The following RABL2A variants were observed in gnomAD, a reference collection of about 807,000 sequenced individuals.
The protein encoded by RABL2A is RAB, member of RAS oncogene family like 2A.
In RABL2A, 17 loss-of-function variants were observed where a neutral mutation model predicts 30.7. The observed-to-expected ratio is 0.55, with a 90% CI of 0.38 to 0.83. RABL2A has a LOEUF of 0.83. RABL2A is among the 40% of genes least tolerant of loss of function. The pLI, the probability that RABL2A is intolerant of heterozygous loss-of-function variation, is 0.00. For synonymous variants in RABL2A, 64 were observed against 101.8 expected (o/e 0.63, Z 2.24); for missense variants, 155 against 272.6 (o/e 0.57, Z 3.04).
At position 113,635,388 on chromosome 2, in the gene RABL2A, C is replaced by A. The variant is rs141534235; in HGVS notation, c.297+258C>A. 8.8e-3 allele frequency: 4,725 copies of A among 534,714 alleles called. 202 individuals carry two copies. Among genetic ancestry groups the A allele is most frequent in the African/African-American group, 0.077 (4,013 of 52,158 alleles). The allele number at this position is 534,714 out of a possible 1,614,324, so 33.1% of individuals were successfully genotyped here. On this transcript the variant is annotated intron_variant, in intron 5 of 8. Coordinates refer to ENST00000683472, the MANE Select transcript of RABL2A (RefSeq NM_001306158.2). ...AGGGCTTCAACATCAGGTGTAGCAT[C>A]CAAGAGGCAAACATGCCTGAAACAG...
Position 113,635,226 on chromosome 2 carries a change from G to A in RABL2A, c.297+96G>A, listed in dbSNP as rs941602124. 3.5e-5 allele frequency: 45 copies of A among 1,301,778 alleles called. 1 individual carries two copies. The highest frequency in any genetic ancestry group is 2.6e-4 in the South Asian group (21 of 80,986). The allele number at this position is 1,301,778 out of a possible 1,614,324, so 80.6% of individuals were successfully genotyped here. On this transcript the variant is annotated intron_variant, in intron 5 of 8. Transcript: ENST00000683472. Reference sequence around the variant, plus strand: ...CCTGGGCCCTTGTAACCAAGTCTGGGTGTTGTGGGAGGGGGGCTTAGGGTC... The same window carrying A: ...CCTGGGCCCTTGTAACCAAGTCTGGATGTTGTGGGAGGGGGGCTTAGGGTC...
chr2:113,631,793 C>T (rs1357930575), intron 2 of RABL2A, among the ~76,000 whole-genome samples: 2 of 151,734 alleles, frequency 1.3e-5, no homozygotes, highest in Admixed American at 1.3e-4. Context: ...ATGGATCTCT[C>T]CTCTTCCTCC....
intron 5 of RABL2A, chr2:113,639,892 A>T (rs1219989642): frequency 1.3e-5 from 2 of 149,902 alleles, no homozygotes; most frequent in African/African-American, 4.9e-5. Flanking sequence ...GATGGCTAAC[A>T]CCTGTAACCC....
chr2:113,639,577 A>T, intron 5 of RABL2A, among the ~76,000 whole-genome samples: 1 of 151,660 alleles, frequency 6.6e-6, no homozygotes, highest in Non-Finnish European at 1.5e-5. Context: ...GCAGTGAGCC[A>T]AGATAGCGCC....
chr2:113,639,300 A>G (rs1480722333), intron 5 of RABL2A, among the ~76,000 whole-genome samples: 9 of 152,064 alleles, frequency 5.9e-5, no homozygotes, highest in Admixed American at 5.2e-4. Context: ...AACAAAAAGC[A>G]GAAAGAACAA....
In RABL2A at chr2:113,640,917, C is replaced by G; in HGVS notation, c.321C>G (p.Val107=). The G allele has an allele frequency of 6.2e-7, 1 of 1,613,854 alleles. No homozygotes were observed. Among genetic ancestry groups the G allele is most frequent in the Non-Finnish European group, 8.5e-7 (1 of 1,179,868 alleles). ...AGGTGTTTGATATACAGAGGAAAGT[C>G]ACCTATAGGAACCTGAGCACCTGGT... ...CIMVFDIQRK[V]TYRNLSTWYT... Residue 107 remains valine, a synonymous_variant, in exon 6 of 9, where the codon GTC becomes GTG. Transcript: ENST00000683472.
chr2:113,631,910 C>T (rs181263254), intron 2 of RABL2A, among the ~76,000 whole-genome samples: 6 of 151,816 alleles, frequency 4.0e-5, no homozygotes, highest in South Asian at 2.1e-4. Context: ...TAATTTTCTA[C>T]GTGATCTAAG....
intron 2 of RABL2A, among the ~76,000 whole-genome samples, chr2:113,629,902 G>A (rs1679656167): frequency 6.6e-6 from 1 of 152,082 alleles, no homozygotes; most frequent in South Asian, 2.1e-4. Context: ...GTAAAAGTGA[G>A]GGTAGGTGTT....
chr2:113,631,120 C>G (rs1274439072), intron 2 of RABL2A, among the ~76,000 whole-genome samples: 4 of 152,008 alleles, frequency 2.6e-5, no homozygotes, highest in Non-Finnish European at 4.4e-5. Context: ...GTCTGGAATT[C>G]CTAACCTCAA....
intron 3 of RABL2A, chr2:113,633,787 G>A: frequency 3.5e-6 from 1 of 282,572 alleles, no homozygotes; most frequent in South Asian, 4.0e-5. Context: ...GCTACCTAGG[G>A]TTAGGGTTTC....
chr2:113,642,149 G>A lies in RABL2A; in HGVS notation c.*20G>A, dbSNP rs1395538271. Reference sequence around the variant, plus strand: ...AGCTGAGGGGCTGGGGCTAGGGGTGGGTGGAGCCCTTTTAAAATACCCTTC... The same window carrying A: ...AGCTGAGGGGCTGGGGCTAGGGGTGAGTGGAGCCCTTTTAAAATACCCTTC... On this transcript the variant is annotated 3_prime_UTR_variant, in exon 9 of 9. Coordinates refer to ENST00000683472, the MANE Select transcript of RABL2A (RefSeq NM_001306158.2). The A allele has an allele frequency of 6.2e-7, 1 of 1,612,198 alleles. No homozygotes were observed. Among genetic ancestry groups the A allele is most frequent in the East Asian group, 2.2e-5 (1 of 44,862 alleles).
At chr2:113,639,283 C>T (rs1179319754) in intron 5 of RABL2A, among the ~76,000 whole-genome samples, 2 of 150,834 alleles carry the variant, frequency 1.3e-5, no homozygotes, top group African/African-American at 4.9e-5. Flanking sequence ...AAGACCCTAT[C>T]TCAAAAAACA....
At chr2:113,629,289 G>T (rs1679331071) in intron 2 of RABL2A, among the ~76,000 whole-genome samples, 1 of 152,156 alleles carries the variant, frequency 6.6e-6, no homozygotes, top group Non-Finnish European at 1.5e-5. Flanking sequence ...GTCCATTTCC[G>T]CCTTCATAGC....
rs561144583 is a variant in RABL2A, at chr2:113,633,310, C to A, written c.137+366C>A. The A allele has an allele frequency of 5.5e-4, 187 of 340,918 alleles. 1 individual carries two copies. The highest frequency in any genetic ancestry group is 5.0e-3 in the East Asian group (76 of 15,060). 21.1% of individuals were successfully genotyped at this position (340,918 alleles called of 1,614,324 possible). A position where few individuals can be genotyped will look rare whatever the true frequency, so the allele number is the denominator to read the frequency against. ...TCTCTAACCTCAAAGCTTGGGCCCCCTACTATTGAAAAAAATCTCTGATAT... is the reference window on the plus strand; with the variant it reads ...TCTCTAACCTCAAAGCTTGGGCCCCATACTATTGAAAAAAATCTCTGATAT... On this transcript the variant is annotated intron_variant, in intron 3 of 8. Transcript: ENST00000683472.
intron 2 of RABL2A, among the ~76,000 whole-genome samples, chr2:113,632,556 G>T (rs545172355): frequency 6.6e-5 from 10 of 152,360 alleles, no homozygotes; most frequent in African/African-American, 2.4e-4. Flanking sequence ...GTGAGCCACC[G>T]CGCCCGACCG....
At chr2:113,641,564 G>A in intron 7 of RABL2A, 114 bp downstream of exon 7, 2 of 1,609,206 alleles carry the variant, frequency 1.2e-6, no homozygotes, top group African/African-American at 2.7e-5. Context: ...CAGTGCATGG[G>A]CCTGGGTGGC....
chr2:113,630,309 A>C (rs1410778991), intron 2 of RABL2A, among the ~76,000 whole-genome samples: 3 of 152,222 alleles, frequency 2.0e-5, no homozygotes, highest in Non-Finnish European at 2.9e-5. Flanking sequence ...ACTGTGGTTC[A>C]GTTTTGATTG....
chr2:113,633,713 A>T (rs1681341229), intron 3 of RABL2A: 1 of 219,064 alleles, frequency 4.6e-6, no homozygotes, highest in African/African-American at 2.2e-5. Context: ...ACAGACTCCA[A>T]ATTGATTGAC....
Position 113,634,324 on chromosome 2 carries a change from C to T in RABL2A, c.217+92C>T, listed in dbSNP as rs971162274. 1.2e-5 allele frequency: 18 copies of T among 1,529,276 alleles called. No homozygotes were observed. In the African/African-American group the frequency reaches 1.9e-4, roughly 16 times the overall value. 94.7% of individuals were successfully genotyped at this position (1,529,276 alleles called of 1,614,324 possible). On this transcript the variant is annotated intron_variant, in intron 4 of 8. Transcript: ENST00000683472. ...AGGCAAGGTTCATAAGGAGAGAGTC[C>T]AGAGGGAGAAAATGAGACCCCAGGC...
Sources: allele counts gnomAD v4.1 joint callset (sites outside exome capture counted in the v4.1 genomes callset), GRCh38; gene constraint gnomAD v4.1.1; transcripts MANE v1.5; gene names NCBI Gene and HGNC (gene_info 2026-07-23, HGNC 2026-07-21).